Variants in RAF1 observed in about 807,000 individuals in gnomAD.
RAF1 encodes Raf-1 proto-oncogene, serine/threonine kinase.
RAF1 carries 27 observed loss-of-function variants against 81.1 expected under a neutral mutation model. The observed-to-expected ratio is 0.33, with a 90% CI of 0.25 to 0.46. The LOEUF is 0.46. Ranked by LOEUF, RAF1 falls within the 20% of genes least tolerant of loss-of-function variation. RAF1 has a pLI of 1.00. For synonymous variants in RAF1, 298 were observed against 294.0 expected (o/e 1.01, Z -0.14); for missense variants, 598 against 826.0 (o/e 0.72, Z 3.38).
intron 3 of RAF1, among the ~76,000 whole-genome samples, chr3:12,610,992 C>T (rs1291335745): frequency 6.6e-6 from 1 of 151,732 alleles, no homozygotes; most frequent in Non-Finnish European, 1.5e-5. Context: ...GGGATTAGTA[C>T]ACATTTAACT....
At position 12,585,294 on chromosome 3, in the gene RAF1, T is replaced by C. The variant is rs773827999; in HGVS notation, c.1597-41A>G. The C allele has an allele frequency of 4.3e-6, 7 of 1,612,166 alleles. No homozygotes were observed. In the East Asian group the frequency reaches 1.1e-4, roughly 26 times the overall value. Reference sequence around the variant, plus strand: ...TATGACAAAAGTGCATTTATCACCATATGACAGGCCTCACAGACATCTAGG... The same window carrying C: ...TATGACAAAAGTGCATTTATCACCACATGACAGGCCTCACAGACATCTAGG... On this transcript the variant is annotated intron_variant, in intron 15 of 17. Coordinates refer to ENST00000442415, the MANE Select transcript of RAF1 (RefSeq NM_001354689.3).
intron 10 of RAF1, 23 bp downstream of exon 9, chr3:12,600,129 G>A: frequency 6.2e-7 from 1 of 1,613,832 alleles, no homozygotes; most frequent in Non-Finnish European, 8.5e-7. Context: ...TAATTGGCAG[G>A]AGGTACTGTT....
At position 12,604,081 on chromosome 3, in the gene RAF1, A is replaced by G. The variant is rs1317738360; in HGVS notation, c.834+55T>C. The G allele has an allele frequency of 3.1e-6, 5 of 1,600,588 alleles. No homozygotes were observed. In the South Asian group the frequency reaches 3.3e-5, roughly 11 times the overall value. The stretch of plus-strand genomic sequence containing the variant: ...TGAAACCCAAAACTCTGAAATAAGT[A>G]TCAACCTCACCCCATTAATTGACTG... On this transcript the variant is annotated intron_variant, in intron 7 of 17. Transcript: ENST00000442415.
chr3:12,639,928 A>C (rs559617630), intron 1 of RAF1, among the ~76,000 whole-genome samples: 120 of 152,228 alleles, frequency 7.9e-4, no homozygotes, highest in Non-Finnish European at 1.5e-3. Context: ...CTAAGCAAAA[A>C]GAACAAAGCT....
At chr3:12,603,395 T>A in intron 8 of RAF1, 1 of 580,432 alleles carries the variant, frequency 1.7e-6, no homozygotes, top group Non-Finnish European at 3.1e-6. Flanking sequence ...TAGCAACTAT[T>A]TCATTTTTGG....
chr3:12,589,159 G>A (rs768467279), intron 13 of RAF1: 2 of 152,658 alleles, frequency 1.3e-5, no homozygotes, highest in Non-Finnish European at 2.9e-5. Context: ...CCACCCTTAG[G>A]TCTTCCTTTA....
At position 12,590,648 on chromosome 3, in the gene RAF1, G is replaced by T. The variant is rs2058484194; in HGVS notation, c.1430+150C>A. On this transcript the variant is annotated intron_variant, in intron 13 of 17. Transcript: ENST00000442415. ...GCTGGAACCTGAACAACTCATTCCT[G>T]ATAATTGGCCCCTCCAGCCCAGGCC... is the stretch of plus-strand genomic sequence containing the variant. 1.2e-5 allele frequency: 11 copies of T among 894,220 alleles called. 1 individual carries two copies. In the South Asian group the frequency reaches 1.6e-4, roughly 13 times the overall value. 55.4% of individuals were successfully genotyped at this position (894,220 alleles called of 1,614,324 possible). A position where few individuals can be genotyped will look rare whatever the true frequency, so the allele number is the denominator to read the frequency against.
intron 1 of RAF1, among the ~76,000 whole-genome samples, chr3:12,658,559 G>A (rs1169092483): frequency 1.3e-5 from 2 of 152,024 alleles, no homozygotes; most frequent in Non-Finnish European, 2.9e-5. Flanking sequence ...GAAAGATCAT[G>A]CCACTGCACT....
rs548133313 is a variant in RAF1 at position 12,595,898 on chromosome 3, C to T, written c.1168+3793G>A. 6.1e-4 allele frequency among the ~76,000 whole-genome samples: 89 copies of T among 146,320 alleles called. 1 individual carries two copies. The highest frequency in any genetic ancestry group is 5.1e-3 in the Admixed American group (74 of 14,590). ...AAGTTTCTTTTTTTTTTTTTGGACA[C>T]AGGGTCTTGTTCTGTTGCCCAGGCT... On this transcript the variant is annotated intron_variant, in intron 11 of 17. Coordinates refer to ENST00000442415, the MANE Select transcript of RAF1 (RefSeq NM_001354689.3).
At chr3:12,608,733 C>T in intron 5 of RAF1, 33 bp downstream of exon 5, 1 of 1,606,982 alleles carries the variant, frequency 6.2e-7, no homozygotes, top group Non-Finnish European at 8.5e-7. Context: ...CTCCTCATCC[C>T]TATCTTCCTT....
At chr3:12,633,866 C>T (rs1235991919) in intron 1 of RAF1, among the ~76,000 whole-genome samples, 1 of 143,424 alleles carries the variant, frequency 7.0e-6, no homozygotes, top group African/African-American at 2.6e-5. Flanking sequence ...ACCCAGGAGG[C>T]AGAGATTGCA....
chr3:12,610,666 A>G (rs1233953571), intron 3 of RAF1, among the ~76,000 whole-genome samples: 1 of 152,218 alleles, frequency 6.6e-6, no homozygotes, highest in Non-Finnish European at 1.5e-5. Context: ...CTTCGAGTAG[A>G]TTCATTCCCT....
At chr3:12,648,207 C>T (rs2060413329) in intron 1 of RAF1, among the ~76,000 whole-genome samples, 1 of 146,928 alleles carries the variant, frequency 6.8e-6, no homozygotes, top group African/African-American at 2.5e-5. Context: ...ACACCATTAA[C>T]ACAAGTACCA....
chr3:12,605,198 CGTTT>C (rs915970809), intron 6 of RAF1, among the ~76,000 whole-genome samples: 3 of 149,226 alleles, frequency 2.0e-5, no homozygotes, highest in African/African-American at 7.4e-5. Flanking sequence ...AGATATGCTG[CGTTT>C]AATATTTCCA....
Position 12,584,085 on chromosome 3 carries a change from G to A in RAF1, c.*429C>T. The A allele has an allele frequency of 6.3e-6, 2 of 315,302 alleles. No homozygotes were observed. Among genetic ancestry groups the A allele is most frequent in the South Asian group, 1.1e-4 (2 of 17,486 alleles). 19.5% of individuals were successfully genotyped at this position (315,302 alleles called of 1,614,324 possible). On this transcript the variant is annotated 3_prime_UTR_variant, in exon 18 of 18. Coordinates refer to ENST00000442415, the MANE Select transcript of RAF1 (RefSeq NM_001354689.3). ...GGCGCTGCACCACTCTCTGAAGAAA[G>A]TCCCGCCTGTGACATGCATTCCTCC...
chr3:12,650,047 G>A (rs2060472935), intron 1 of RAF1, among the ~76,000 whole-genome samples: 1 of 149,176 alleles, frequency 6.7e-6, no homozygotes, highest in African/African-American at 2.5e-5. Flanking sequence ...TCGGGAGGCT[G>A]AGGCAGGAGA....
intron 6 of RAF1, 80 bp from the exon 7 acceptor site, chr3:12,604,369 G>A: frequency 6.8e-7 from 1 of 1,471,406 alleles, no homozygotes; most frequent in East Asian, 2.4e-5. Context: ...ATTTGACTAA[G>A]TAAGATGCTT....
intron 5 of RAF1, among the ~76,000 whole-genome samples, chr3:12,607,752 A>C (rs1463841942): frequency 6.6e-6 from 1 of 151,874 alleles, no homozygotes; most frequent in Non-Finnish European, 1.5e-5. Context: ...AGAGATCGAG[A>C]CCATCCTGGC....
chr3:12,659,742 C>T (rs2060817235), intron 1 of RAF1, among the ~76,000 whole-genome samples: 1 of 152,000 alleles, frequency 6.6e-6, no homozygotes, highest in Admixed American at 6.6e-5. Flanking sequence ...TTTCATAAAC[C>T]CCCTCACTGT....
Sources: gnomAD v4.1 joint callset for allele counts (sites outside exome capture counted in the v4.1 genomes callset) on GRCh38, gnomAD v4.1.1 for gene constraint, MANE v1.5 for transcripts, NCBI Gene and HGNC (gene_info 2026-07-23, HGNC 2026-07-21) for gene names.